SLC16A8: variants seen among roughly 807,000 people sequenced by gnomAD.
SLC16A8 encodes the protein monocarboxylate transporter 3.
Under a neutral mutation model 22.4 loss-of-function variants are expected in SLC16A8, and 20 were observed. The observed-to-expected ratio is 0.89, with a 90% CI of 0.63 to 1.30. The LOEUF (loss-of-function observed/expected upper bound fraction) is 1.30. Ranked by LOEUF, SLC16A8 falls within the 50% of genes most tolerant of loss-of-function variation. The probability of loss-of-function intolerance (pLI) is 0.00; values close to 1 mark genes in which losing one functional copy is unlikely to be tolerated. For synonymous variants in SLC16A8, 393 were observed against 358.8 expected (o/e 1.10, Z -1.08); for missense variants, 817 against 740.3 (o/e 1.10, Z -1.20).
At chr22:38,082,088 G>A in intron 3 of SLC16A8, 56 bp from the exon 4 acceptor site, 1 of 1,512,562 alleles carries the variant, frequency 6.6e-7, no homozygotes, top group Non-Finnish European at 8.9e-7. Flanking sequence ...GTCCTCTAAG[G>A]AATAAGGTCA....
At chr22:38,080,818 C>T (rs1194508857) in intron 5 of SLC16A8, 22 bp downstream of exon 5, 2 of 1,469,468 alleles carry the variant, frequency 1.4e-6, no homozygotes, top group Non-Finnish European at 1.8e-6. Context: ...GGCTCGCCAC[C>T]CCCTCTTCCT....
At chr22:38,082,949 GA>G in intron 2 of SLC16A8, 68 bp from the exon 3 acceptor site, 1 of 1,027,934 alleles carries the variant, frequency 9.7e-7, no homozygotes, top group Non-Finnish European at 1.4e-6. Context: ...GGGGGATGGA[GA>G]CGAAGCATGG....
intron 3 of SLC16A8, among the ~76,000 whole-genome samples, 165 bp from the exon 4 acceptor site, chr22:38,082,197 C>A (rs1000583511): frequency 1.3e-5 from 2 of 152,224 alleles, no homozygotes; most frequent in Non-Finnish European, 2.9e-5. Flanking sequence ...GAGGGCAAGG[C>A]CCAGAGCACC....
intron 5 of SLC16A8, among the ~76,000 whole-genome samples, chr22:38,080,204 C>CT (rs775322041): frequency 6.6e-6 from 1 of 152,152 alleles, no homozygotes; most frequent in South Asian, 2.1e-4. Context: ...CTGTTCCCCC[C>CT]CAACAAGCCC....
At position 38,078,321 on chromosome 22, in the gene SLC16A8, C is replaced by T; in HGVS notation, c.*67G>A. 1 of 1,474,748 alleles carries T rather than the reference C, an allele frequency of 6.8e-7. No homozygotes were observed. Among genetic ancestry groups the T allele is most frequent in the Non-Finnish European group, 9.2e-7 (1 of 1,092,032 alleles). The allele number at this position is 1,474,748 out of a possible 1,614,324, so 91.4% of individuals were successfully genotyped here. A position where few individuals can be genotyped will look rare whatever the true frequency, so the allele number is the denominator to read the frequency against. On this transcript the variant is annotated 3_prime_UTR_variant, in exon 6 of 6. Transcript: ENST00000681075. ...CACCCCAGACCAGCCTCCCAGCGTA[C>T]CAGGCTCTCTGAGACAAGAAGCTGT...
At position 38,082,895 on chromosome 22, in the gene SLC16A8, G is replaced by GCGGGGA; in HGVS notation, c.-8-20_-8-15dup. ...CCATCGCTGCCTCTGTTGGGAGGGG[G>GCGGGGA]CGGGGACAAGAGGGAGGGGCTGGGC... On this transcript the variant is annotated splice_polypyrimidine_tract_variant and intron_variant, in intron 2 of 5. Coordinates refer to ENST00000681075, the MANE Select transcript of SLC16A8 (RefSeq NM_013356.3). The GCGGGGA allele has an allele frequency of 7.0e-7, 1 of 1,434,006 alleles. No homozygotes were observed. Among genetic ancestry groups the GCGGGGA allele is most frequent in the South Asian group, 1.2e-5 (1 of 81,386 alleles). The allele number at this position is 1,434,006 out of a possible 1,614,324, so 88.8% of individuals were successfully genotyped here.
intron 5 of SLC16A8, among the ~76,000 whole-genome samples, chr22:38,079,164 C>T (rs777875784): frequency 2.0e-5 from 3 of 152,220 alleles, no homozygotes; most frequent in Non-Finnish European, 4.4e-5. Context: ...CATGAGCATC[C>T]CAGACCAAGC....
At position 38,081,258 on chromosome 22, in the gene SLC16A8, C is replaced by G; in HGVS notation, c.780G>C (p.Lys260Asn). The G allele has an allele frequency of 1.3e-6, 2 of 1,586,636 alleles. No individual in the cohort carries two copies. Among genetic ancestry groups the G allele is most frequent in the East Asian group, 4.6e-5 (2 of 43,128 alleles). Residue 260 changes from lysine (K) to asparagine (N), a missense_variant, in exon 5 of 6, where the codon AAG becomes AAC. Coordinates refer to ENST00000681075, the MANE Select transcript of SLC16A8 (RefSeq NM_013356.3). ...DRAFAVYAVTKFLMALGLFVP... is the reference protein window; with the variant it reads ...DRAFAVYAVTNFLMALGLFVP... ...CGAAGAGCCCGAGCGCCATCAGGAA[C>G]TTGGTGACGGCGTACACGGCGAAGG... is the stretch of plus-strand genomic sequence containing the variant.
rs2085922070 is a variant in SLC16A8 at position 38,081,774 on chromosome 22, G to C, written c.359-95C>G. On this transcript the variant is annotated intron_variant, in intron 4 of 5. Transcript: ENST00000681075. ...CCAGGCCCGGGAACCCAGCAGATCC[G>C]GGAACCCAGCCGAGGGACTTCGAAG... 5 of 1,459,330 alleles carry C rather than the reference G, an allele frequency of 3.4e-6. No individual in the cohort carries two copies. In the South Asian group the frequency reaches 5.7e-5, roughly 17 times the overall value. The allele number at this position is 1,459,330 out of a possible 1,614,324, so 90.4% of individuals were successfully genotyped here. A position where few individuals can be genotyped will look rare whatever the true frequency, so the allele number is the denominator to read the frequency against.
chr22:38,081,090 C>A lies in SLC16A8; in HGVS notation c.948G>T (p.Arg316=), dbSNP rs374970639. ...CGALAGLARL[R]PHVPYLFSLA... ...GGCTGAACAGATACGGGACGTGCGG[C>A]CGCAGACGCGCCAGGCCCGCCAGGG... The change falls in exon 5 of 6, where the codon CGG becomes CGT. Residue 316 remains arginine, a synonymous_variant. Transcript: ENST00000681075. The A allele has an allele frequency of 1.3e-6, 2 of 1,561,032 alleles. No homozygotes were observed. The highest frequency in any genetic ancestry group is 3.8e-5 in the Admixed American group (2 of 52,066).
rs753534531 is a variant in SLC16A8, at chr22:38,081,688, G to C, written c.359-9C>G. Reference sequence around the variant, plus strand: ...GAGGGCCAGGCCCAGGCCTGCGGGCGAGGCGGTGCTGTGCCGGGGTCCCCG... The same window carrying C: ...GAGGGCCAGGCCCAGGCCTGCGGGCCAGGCGGTGCTGTGCCGGGGTCCCCG... On this transcript the variant is annotated splice_polypyrimidine_tract_variant and intron_variant, in intron 4 of 5. Coordinates refer to ENST00000681075, the MANE Select transcript of SLC16A8 (RefSeq NM_013356.3). 17 of 1,501,776 alleles carry C rather than the reference G, an allele frequency of 1.1e-5. No homozygotes were observed. Among genetic ancestry groups the C allele is most frequent in the Non-Finnish European group, 1.4e-5 (16 of 1,130,742 alleles). 93.0% of individuals were successfully genotyped at this position (1,501,776 alleles called of 1,614,324 possible).
rs1213936156 is a variant in SLC16A8, at chr22:38,081,959, G to A, written c.288C>T (p.Ser96=). ...CAAAGGAAGCTAGGATCATGCCCGC[G>A]GAAGCCAGCAGCCCACCCGCCAGCA... ...PVMLAGGLLA[S]AGMILASFAT... is the part of the protein sequence containing the mutation. The change falls in exon 4 of 6, where the codon TCC becomes TCT. Residue 96 remains serine, a synonymous_variant. Transcript: ENST00000681075. The A allele has an allele frequency of 2.6e-6, 4 of 1,563,762 alleles. No homozygotes were observed. Among genetic ancestry groups the A allele is most frequent in the Admixed American group, 1.9e-5 (1 of 52,674 alleles).
chr22:38,082,908 G>A, intron 2 of SLC16A8, 27 bp from the exon 3 acceptor site: 1 of 1,304,502 alleles, frequency 7.7e-7, no homozygotes, highest in Non-Finnish European at 1.1e-6. Flanking sequence ...GGGACAAGAG[G>A]GAGGGGCTGG....
chr22:38,079,008 A>AGT lies in SLC16A8; in HGVS notation c.1199-306_1199-305dup, dbSNP rs2085883363. On this transcript the variant is annotated intron_variant, in intron 5 of 5. Coordinates refer to ENST00000681075, the MANE Select transcript of SLC16A8 (RefSeq NM_013356.3). ...ACAAGTGTCCTGTGACTTGCTTGGCAGTGGGGTATCTGGGGTGGGAGCGGG... is the reference window on the plus strand; with the variant it reads ...ACAAGTGTCCTGTGACTTGCTTGGCAGTGTGGGGTATCTGGGGTGGGAGCGGG... 2.0e-5 allele frequency among the ~76,000 whole-genome samples: 3 copies of AGT among 150,362 alleles called. No individual in the cohort carries two copies. The South Asian group carries it at 6.5e-4, about 33-fold the overall frequency.
chr22:38,082,238 C>T (rs2085929128), intron 3 of SLC16A8, among the ~76,000 whole-genome samples: 1 of 152,238 alleles, frequency 6.6e-6, no homozygotes, highest in African/African-American at 2.4e-5. Context: ...CCAAGCGGAG[C>T]GGGGGCTTCC....
In SLC16A8 at chr22:38,080,885, A is replaced by C. The variant is rs780449936; in HGVS notation, c.1153T>G (p.Leu385Val). ...AGCACAGCCGCGGCCTCCACGAGCA[A>C]CACCAGGCCCAGCGCACTGGGGAAG... is the stretch of plus-strand genomic sequence containing the variant. ...PRFPSALGLVLLVEAAAVLIG... is the reference protein window; with the variant it reads ...PRFPSALGLVVLVEAAAVLIG... The change falls in exon 5 of 6, where the codon TTG (leucine) becomes GTG (valine). Residue 385 changes from leucine to valine, a missense_variant. Physicochemically the swap from Leu to Val is conservative, Grantham distance 32 (BLOSUM62 1). Transcript: ENST00000681075. The C allele has an allele frequency of 5.1e-6, 8 of 1,556,798 alleles. No homozygotes were observed. The highest frequency in any genetic ancestry group is 6.9e-6 in the Non-Finnish European group (8 of 1,158,026).
In SLC16A8 at chr22:38,078,720, A is replaced by G; in HGVS notation, c.1199-16T>C. 1 of 1,598,466 alleles carries G rather than the reference A, an allele frequency of 6.3e-7. No individual in the cohort carries two copies. The highest frequency in any genetic ancestry group is 2.2e-5 in the East Asian group (1 of 44,454). ...ACCAGGCGGCCTGGGGAGGAGGAGG[A>G]AGAGGAGGGAGAGGTAAGGTCCTGT... On this transcript the variant is annotated splice_polypyrimidine_tract_variant and intron_variant, in intron 5 of 5. Transcript: ENST00000681075.
At chr22:38,080,743 C>T (rs1008679313) in intron 5 of SLC16A8, 97 bp downstream of exon 5, 11 of 1,414,890 alleles carry the variant, frequency 7.8e-6, no homozygotes, top group African/African-American at 1.5e-5. Flanking sequence ...CTGCCCCTTC[C>T]CCTCATCCCT....
chr22:38,082,623 G>A (rs1255342577), intron 3 of SLC16A8, 37 bp downstream of exon 3: 19 of 1,499,444 alleles, frequency 1.3e-5, no homozygotes, highest in South Asian at 7.3e-5. Context: ...GATCCCAGGG[G>A]TCCCGGGGAG....
Sources: gnomAD v4.1 joint callset for allele counts (sites outside exome capture counted in the v4.1 genomes callset) on GRCh38, gnomAD v4.1.1 for gene constraint, MANE v1.5 for transcripts, NCBI Gene and HGNC (gene_info 2026-07-23, HGNC 2026-07-21) for gene names.